Variants in ANKRD11 observed in about 807,000 individuals in gnomAD.
The protein encoded by ANKRD11 is ankyrin repeat domain 11, also known as ankyrin repeat domain-containing protein 11.
ANKRD11 carries 17 observed loss-of-function variants against 195.7 expected under a neutral mutation model. The observed-to-expected ratio is 0.09, with a 90% CI of 0.06 to 0.13. ANKRD11 has a LOEUF of 0.13. ANKRD11 is among the 10% of genes least tolerant of loss of function. ANKRD11 has a pLI of 1.00. For missense variants in ANKRD11, 3,735 were observed against 3,566.1 expected, an observed-to-expected ratio of 1.05 and a Z score of -1.21; for synonymous variants, 1,953 against 1,528.1, an observed-to-expected ratio of 1.28 and a Z score of -6.49.
At chr16:89,362,250 T>C (rs2039763117) in intron 2 of ANKRD11, among the ~76,000 whole-genome samples, 1 of 152,218 alleles carries the variant, frequency 6.6e-6, no homozygotes, top group Non-Finnish European at 1.5e-5. Context: ...GCACATATGC[T>C]TTTCGGGATC....
intron 2 of ANKRD11, among the ~76,000 whole-genome samples, chr16:89,350,875 C>G (rs2039181581): frequency 6.6e-6 from 1 of 152,130 alleles, no homozygotes; most frequent in Non-Finnish European, 1.5e-5. Context: ...GGTCCCATGG[C>G]ATAAACACCT....
intron 2 of ANKRD11, chr16:89,324,171 T>C (rs1402407247): frequency 2.6e-6 from 3 of 1,136,204 alleles, no homozygotes; most frequent in South Asian, 3.2e-5. Context: ...TTTTCTGTTA[T>C]CACGGCGGGG....
At position 89,284,057 on chromosome 16, in the gene ANKRD11, T is replaced by C. The variant is rs369798222; in HGVS notation, c.2485A>G (p.Thr829Ala). The C allele has an allele frequency of 1.6e-5, 26 of 1,614,030 alleles. No homozygotes were observed. Among genetic ancestry groups the C allele is most frequent in the Non-Finnish European group, 2.2e-5 (26 of 1,180,030 alleles). The change falls in exon 9 of 13, where the codon ACC becomes GCC. Residue 829 changes from threonine to alanine, a missense_variant. Physicochemically the swap from Thr to Ala is moderately conservative, Grantham distance 58. Coordinates refer to ENST00000301030, the MANE Select transcript of ANKRD11 (RefSeq NM_013275.6). Reference protein sequence around the residue: ...NKNQFLENEDTKFSLSDDQRD... With the variant: ...NKNQFLENEDAKFSLSDDQRD... Reference sequence around the variant, plus strand: ...TGATCGTCAGAAAGGCTAAATTTGGTGTCTTCATTCTCCAGAAACTGATTT... The same window carrying C: ...TGATCGTCAGAAAGGCTAAATTTGGCGTCTTCATTCTCCAGAAACTGATTT...
chr16:89,300,607 C>T lies in ANKRD11; in HGVS notation c.226+4599G>A, dbSNP rs74033738. On this transcript the variant is annotated intron_variant, in intron 4 of 12. Transcript: ENST00000301030. Reference sequence around the variant, plus strand: ...TGGCATTCAGAGTTCCAAGAAGTCCCACAGATACCAGTGGCTAAGTCTGTC... The same window carrying T: ...TGGCATTCAGAGTTCCAAGAAGTCCTACAGATACCAGTGGCTAAGTCTGTC... 8.9e-4 allele frequency: 415 copies of T among 464,870 alleles called. 2 individuals carry two copies. Among genetic ancestry groups the T allele is most frequent in the African/African-American group, 7.7e-3 (382 of 49,574 alleles). 28.8% of individuals were successfully genotyped at this position (464,870 alleles called of 1,614,324 possible).
At chr16:89,295,747 G>A (rs1174257354) in intron 4 of ANKRD11, among the ~76,000 whole-genome samples, 4 of 148,230 alleles carry the variant, frequency 2.7e-5, no homozygotes, top group South Asian at 2.2e-4. Context: ...GGGATGTGAC[G>A]CGCCTGGGGG....
intron 1 of ANKRD11, among the ~76,000 whole-genome samples, chr16:89,454,693 T>G (rs2056350302): frequency 7.5e-6 from 1 of 132,692 alleles, no homozygotes; most frequent in Admixed American, 7.5e-5. Flanking sequence ...GCTTCCAGGG[T>G]TCCTCAAGCT....
intron 3 of ANKRD11, among the ~76,000 whole-genome samples, chr16:89,310,733 CT>C (rs2036564174): frequency 6.6e-6 from 1 of 152,216 alleles, no homozygotes; most frequent in Admixed American, 6.5e-5. Context: ...AATTTCAGCC[CT>C]CTATTATTTA....
chr16:89,440,304 G>A (rs2043392250), intron 1 of ANKRD11, among the ~76,000 whole-genome samples: 1 of 152,188 alleles, frequency 6.6e-6, no homozygotes, highest in African/African-American at 2.4e-5. Flanking sequence ...ACTAGGAAAA[G>A]CAGACCACCA....
chr16:89,365,809 A>G (rs1258516383), intron 2 of ANKRD11, among the ~76,000 whole-genome samples: 1 of 152,120 alleles, frequency 6.6e-6, no homozygotes, highest in African/African-American at 2.4e-5. Flanking sequence ...TTCATCACCC[A>G]GGTGTTAAGC....
intron 2 of ANKRD11, among the ~76,000 whole-genome samples, chr16:89,404,989 A>G (rs553787575): frequency 3.9e-5 from 6 of 152,332 alleles, no homozygotes; most frequent in South Asian, 2.1e-4. Flanking sequence ...CTGAAATCAG[A>G]CTTCCAAAAA....
chr16:89,479,138 C>CG (rs2057354393), intron 1 of ANKRD11, among the ~76,000 whole-genome samples: 1 of 152,098 alleles, frequency 6.6e-6, no homozygotes, highest in African/African-American at 2.4e-5. Context: ...ACGCCACCAC[C>CG]TACCCCACAA....
chr16:89,478,335 GT>G (rs962804223), intron 1 of ANKRD11, among the ~76,000 whole-genome samples: 47 of 149,076 alleles, frequency 3.2e-4, no homozygotes, highest in African/African-American at 1.1e-3. Flanking sequence ...ATTGGGGTTG[GT>G]TTTTTTTTTA....
chr16:89,442,595 GT>G (rs2043566008), intron 1 of ANKRD11, among the ~76,000 whole-genome samples: 1 of 152,150 alleles, frequency 6.6e-6, no homozygotes, highest in Non-Finnish European at 1.5e-5. Flanking sequence ...TTCAGGAACG[GT>G]TTTACGCATC....
intron 2 of ANKRD11, among the ~76,000 whole-genome samples, chr16:89,341,709 G>C (rs781176049): frequency 2.6e-4 from 39 of 152,230 alleles, no homozygotes; most frequent in Admixed American, 7.2e-4. Flanking sequence ...TCTGCATAAT[G>C]ATATACCTAC....
Position 89,420,951 on chromosome 16 carries a change from C to A in ANKRD11, c.-144-2583G>T, listed in dbSNP as rs2152240875. Among the ~76,000 whole-genome samples the A allele has an allele frequency of 2.0e-5, 3 of 152,370 alleles. No homozygotes were observed. In the Middle Eastern group the frequency reaches 0.01, roughly 518 times the overall value. On this transcript the variant is annotated intron_variant, in intron 1 of 12. Transcript: ENST00000301030. ...AGCTATGTTGTCAAACAGAAAAGCA[C>A]CAGGCTACACTTCTTACTGTCAGCT... is the stretch of plus-strand genomic sequence containing the variant.
At chr16:89,422,978 G>A (rs2042574151) in intron 1 of ANKRD11, among the ~76,000 whole-genome samples, 1 of 152,146 alleles carries the variant, frequency 6.6e-6, no homozygotes, top group South Asian at 2.1e-4. Context: ...CCGCTAAGAT[G>A]AGCAATTCTT....
chr16:89,326,198 G>T (rs368336646), intron 2 of ANKRD11, among the ~76,000 whole-genome samples: 1 of 152,318 alleles, frequency 6.6e-6, no homozygotes, highest in East Asian at 1.9e-4. Flanking sequence ...AGGCAGGGAC[G>T]GCAGATGGAG....
chr16:89,420,107 A>C (rs1004871037), intron 1 of ANKRD11: 1 of 152,218 alleles, frequency 6.6e-6, no homozygotes, highest in Non-Finnish European at 1.5e-5. Context: ...AATCAATAAA[A>C]ATAAATGTGA....
In ANKRD11 at chr16:89,268,386, G is replaced by C. The variant is rs1290855243; in HGVS notation, c.*92C>G. The C allele has an allele frequency of 1.7e-6, 1 of 604,632 alleles. No individual in the cohort carries two copies. The highest frequency in any genetic ancestry group is 2.8e-6 in the Non-Finnish European group (1 of 352,156). 37.5% of individuals were successfully genotyped at this position (604,632 alleles called of 1,614,324 possible). Reference sequence around the variant, plus strand: ...CTCGGGGTCTCTCCCCGCCCGGGTGGACAGGGCGCTCCCTCCTCCGCCCCT... The same window carrying C: ...CTCGGGGTCTCTCCCCGCCCGGGTGCACAGGGCGCTCCCTCCTCCGCCCCT... On this transcript the variant is annotated 3_prime_UTR_variant, in exon 13 of 13. Transcript: ENST00000301030.
Sources: gnomAD v4.1 joint callset for allele counts (sites outside exome capture counted in the v4.1 genomes callset) on GRCh38, gnomAD v4.1.1 for gene constraint, MANE v1.5 for transcripts, NCBI Gene and HGNC (gene_info 2026-07-23, HGNC 2026-07-21) for gene names.